SMARCA2: variants seen among roughly 807,000 people sequenced by gnomAD.
SMARCA2 encodes SWI/SNF-related matrix-associated actin-dependent regulator of chromatin subfamily A member 2.
SMARCA2 carries 61 observed loss-of-function variants against 199.8 expected under a neutral mutation model. The ratio of observed to expected loss-of-function variants is 0.31; its 90% CI spans 0.25 to 0.38. The LOEUF (loss-of-function observed/expected upper bound fraction) is 0.38. Ranked by LOEUF, SMARCA2 falls within the 10% of genes least tolerant of loss-of-function variation. The pLI is 1.00. For missense variants in SMARCA2, 1,344 were observed against 2,012.2 expected (o/e 0.67, Z 6.35); for synonymous variants, 935 against 732.0 (o/e 1.28, Z -4.48).
In SMARCA2 at chr9:2,054,456, T is replaced by C. The variant is rs573309527; in HGVS notation, c.1047-141T>C. 21 of 978,696 alleles carry C rather than the reference T, an allele frequency of 2.1e-5. 1 individual carries two copies. The East Asian group carries it at 3.6e-4, about 17-fold the overall frequency. 60.6% of individuals were successfully genotyped at this position (978,696 alleles called of 1,614,324 possible). On this transcript the variant is annotated intron_variant, in intron 5 of 33. Transcript: ENST00000349721. Reference sequence around the variant, plus strand: ...CTCTGCTTAACATCAAAAATTCTAGTTGGGTGTTAGAGATCAACTATCAGT... The same window carrying C: ...CTCTGCTTAACATCAAAAATTCTAGCTGGGTGTTAGAGATCAACTATCAGT...
intron 29 of SMARCA2, among the ~76,000 whole-genome samples, chr9:2,175,798 A>G (rs1415396438): frequency 1.3e-5 from 2 of 152,146 alleles, no homozygotes; most frequent in East Asian, 3.8e-4. Context: ...TCGTTTTTCA[A>G]TGCCTTTTTT....
intron 27 of SMARCA2, among the ~76,000 whole-genome samples, chr9:2,153,316 C>A (rs527867818): frequency 1.3e-5 from 2 of 152,176 alleles, no homozygotes; most frequent in Non-Finnish European, 2.9e-5. Context: ...GCAGGAAGAT[C>A]GCTTGCGCCC....
Position 2,101,607 on chromosome 9 carries a change from T to C in SMARCA2, c.3116T>C (p.Val1039Ala). The C allele has an allele frequency of 6.5e-7, 1 of 1,545,546 alleles. No individual in the cohort carries two copies. The highest frequency in any genetic ancestry group is 8.9e-7 in the Non-Finnish European group (1 of 1,127,278). Residue 1039 changes from valine (V) to alanine (A), a missense_variant, in exon 22 of 34, where the codon GTC becomes GCC. Val to Ala is a moderately conservative substitution (Grantham distance 64). This residue lies in a region of SMARCA2 where 98 missense variants were observed against 245.6 expected (regional missense o/e 0.40). Transcript: ENST00000349721. ...GAACACCTAGGCTATTCAAATGGGG[T>C]CATCAATGGGTAAATCTCAAATTTT... ...FAEHLGYSNG[V>A]INGAELYRAS...
chr9:2,109,807 G>A (rs1822916270), intron 23 of SMARCA2, among the ~76,000 whole-genome samples: 1 of 151,932 alleles, frequency 6.6e-6, no homozygotes, highest in Non-Finnish European at 1.5e-5. Flanking sequence ...TATTTTCTTG[G>A]CATAAAAAAA....
chr9:2,148,411 C>T (rs183971536), intron 27 of SMARCA2, among the ~76,000 whole-genome samples: 1 of 151,538 alleles, frequency 6.6e-6, no homozygotes, highest in African/African-American at 2.4e-5. Flanking sequence ...TATTGACTAT[C>T]AGTTGTATAC....
intron 22 of SMARCA2, among the ~76,000 whole-genome samples, chr9:2,103,583 A>G (rs901047876): frequency 4.6e-5 from 7 of 152,080 alleles, no homozygotes; most frequent in Middle Eastern, 3.4e-3. Flanking sequence ...TAAAAATTTA[A>G]AAAGTTATAT....
intron 12 of SMARCA2, 147 bp from the exon 13 acceptor site, chr9:2,076,082 A>G: frequency 1.6e-6 from 1 of 618,550 alleles, no homozygotes; most frequent in Non-Finnish European, 2.9e-6. Flanking sequence ...TTACTTAAGT[A>G]GATGTTACAT....
At chr9:2,130,116 A>G (rs1823874854) in intron 27 of SMARCA2, among the ~76,000 whole-genome samples, 1 of 152,120 alleles carries the variant, frequency 6.6e-6, no homozygotes, top group Non-Finnish European at 1.5e-5. Flanking sequence ...CGTCTCCCAA[A>G]GTGTTGAGAT....
At chr9:2,042,184 T>G (rs1563726832) in intron 4 of SMARCA2, 1 of 152,242 alleles carries the variant, frequency 6.6e-6, no homozygotes, top group Non-Finnish European at 1.5e-5. Flanking sequence ...ACAAAATTGG[T>G]AATCTTTATA....
intron 29 of SMARCA2, among the ~76,000 whole-genome samples, chr9:2,178,448 T>A (rs909193473): frequency 2.0e-5 from 3 of 152,298 alleles, no homozygotes; most frequent in Middle Eastern, 3.4e-3. Flanking sequence ...CCTTAAATTG[T>A]GTAAAATGAC....
chr9:2,082,306 GGTGTGTGTGTGT>G lies in SMARCA2; in HGVS notation c.2348+345_2348+356del, dbSNP rs3057852. On this transcript the variant is annotated intron_variant, in intron 15 of 33. Coordinates refer to ENST00000349721, the MANE Select transcript of SMARCA2 (RefSeq NM_003070.5). ...CCTTAAGTGGCTCACAAAGGGGAAA[GGTGTGTGTGTGT>G]GTGTGTGTGTGTGTGTGTGTGTGTG... is the stretch of plus-strand genomic sequence containing the variant. 4.9e-4 allele frequency among the ~76,000 whole-genome samples: 60 copies of G among 121,858 alleles called. No individual in the cohort carries two copies. In the East Asian group the frequency reaches 8.5e-3, roughly 17 times the overall value. 79.9% of individuals were successfully genotyped at this position (121,858 alleles called of 152,430 possible). A position where few individuals can be genotyped will look rare whatever the true frequency, so the allele number is the denominator to read the frequency against.
intron 27 of SMARCA2, among the ~76,000 whole-genome samples, chr9:2,146,665 A>G (rs979910952): frequency 6.6e-6 from 1 of 152,238 alleles, no homozygotes; most frequent in African/African-American, 2.4e-5. Context: ...AGCAGCTTCG[A>G]GGGCTGCTGC....
At position 2,060,923 on chromosome 9, in the gene SMARCA2, G is replaced by A. The variant is rs750318792; in HGVS notation, c.1629G>A (p.Leu543=). ...AGTATGTAGCCAATCTGACCAATCT[G>A]GTTTGGGAGCACAAGCAAGCCCAGG... ...TDEYVANLTN[L]VWEHKQAQAA... The change falls in exon 9 of 34, where the codon CTG becomes CTA. Residue 543 remains leucine (L), a synonymous_variant. Coordinates refer to ENST00000349721, the MANE Select transcript of SMARCA2 (RefSeq NM_003070.5). 1 of 1,614,110 alleles carries A rather than the reference G, an allele frequency of 6.2e-7. No homozygotes were observed. The highest frequency in any genetic ancestry group is 8.5e-7 in the Non-Finnish European group (1 of 1,179,992).
intron 28 of SMARCA2, among the ~76,000 whole-genome samples, chr9:2,168,028 T>A (rs1826023637): frequency 7.3e-6 from 1 of 137,350 alleles, no homozygotes; most frequent in Admixed American, 6.9e-5. Context: ...GCTTTTTTTC[T>A]TTTTCTTTTT....
Position 2,130,694 on chromosome 9 carries a change from T to TATAC in SMARCA2, c.3981+6773_3981+6776dup, listed in dbSNP as rs531769261. On this transcript the variant is annotated intron_variant, in intron 27 of 33. Coordinates refer to ENST00000349721, the MANE Select transcript of SMARCA2 (RefSeq NM_003070.5). ...ATATATTTGCATGCGCAATTATACA[T>TATAC]ATACATACATACATACATATATATA... 3.9e-3 allele frequency among the ~76,000 whole-genome samples: 596 copies of TATAC among 152,262 alleles called. 2 individuals carry two copies. Among genetic ancestry groups the TATAC allele is most frequent in the African/African-American group, 0.013 (520 of 41,540 alleles).
intron 27 of SMARCA2, among the ~76,000 whole-genome samples, chr9:2,140,266 A>C (rs554514340): frequency 1.3e-5 from 2 of 152,342 alleles, no homozygotes; most frequent in African/African-American, 4.8e-5. Flanking sequence ...AGTTTTCTCC[A>C]AATTTTCAAG....
At chr9:2,153,692 T>C (rs1035002484) in intron 27 of SMARCA2, among the ~76,000 whole-genome samples, 1 of 152,216 alleles carries the variant, frequency 6.6e-6, no homozygotes, top group Non-Finnish European at 1.5e-5. Flanking sequence ...TATGAGTTTT[T>C]AATGTTTAGA....
intron 24 of SMARCA2, among the ~76,000 whole-genome samples, chr9:2,113,231 C>T (rs919473274): frequency 6.6e-6 from 1 of 151,964 alleles, no homozygotes; most frequent in Non-Finnish European, 1.5e-5. Flanking sequence ...TACCTAGAAG[C>T]AAAGATAGAA....
At chr9:2,163,298 C>T (rs1825776866) in intron 28 of SMARCA2, among the ~76,000 whole-genome samples, 1 of 152,190 alleles carries the variant, frequency 6.6e-6, no homozygotes, top group African/African-American at 2.4e-5. Context: ...AAATTAAGTT[C>T]ATCCCCTTTA....
Sources: allele counts gnomAD v4.1 joint callset (sites outside exome capture counted in the v4.1 genomes callset), GRCh38; gene constraint gnomAD v4.1.1; regional missense constraint gnomAD v4.1.1; transcripts MANE v1.5; gene names NCBI Gene and HGNC (gene_info 2026-07-23, HGNC 2026-07-21).